MARCHF3: variants seen among roughly 807,000 people sequenced by gnomAD.
The protein encoded by MARCHF3 is E3 ubiquitin-protein ligase MARCHF3.
Under a neutral mutation model 24.2 loss-of-function variants are expected in MARCHF3, and 13 were observed. That is an observed-to-expected ratio of 0.54 (90% CI 0.35 to 0.85). The LOEUF is 0.85. MARCHF3 is among the 40% of genes least tolerant of loss of function. The pLI is 0.01. For missense variants in MARCHF3, 276 were observed against 325.0 expected (o/e 0.85, Z 1.16); for synonymous variants, 144 against 137.3 (o/e 1.05, Z -0.34).
chr5:126,936,294 TATGC>T (rs2126806879), intron 1 of MARCHF3, among the ~76,000 whole-genome samples: 1 of 152,350 alleles, frequency 6.6e-6, no homozygotes, highest in African/African-American at 2.4e-5. Context: ...AACAAGGACT[TATGC>T]ACGATCTGCA....
chr5:126,990,263 C>A (rs1057130757), intron 1 of MARCHF3, among the ~76,000 whole-genome samples: 5 of 152,056 alleles, frequency 3.3e-5, no homozygotes, highest in Admixed American at 3.3e-4. Flanking sequence ...ACCATTTGAT[C>A]TTTGACAAAC....
intron 1 of MARCHF3, among the ~76,000 whole-genome samples, chr5:126,970,804 C>T (rs894649483): frequency 3.9e-5 from 6 of 152,202 alleles, no homozygotes; most frequent in Non-Finnish European, 5.9e-5. Context: ...GCTTCATTTT[C>T]CTACTTCCTG....
chr5:127,002,720 T>C (rs1752168088), intron 1 of MARCHF3, among the ~76,000 whole-genome samples: 1 of 152,212 alleles, frequency 6.6e-6, no homozygotes. Context: ...GGTGAAACAA[T>C]ATCACTGCAG....
At chr5:127,020,465 T>C (rs908010765) in intron 1 of MARCHF3, among the ~76,000 whole-genome samples, 4 of 152,312 alleles carry the variant, frequency 2.6e-5, no homozygotes, top group South Asian at 4.1e-4. Flanking sequence ...CAAAAAGACA[T>C]TGAATCCTAA....
At chr5:127,029,692 C>T (rs1323660121) in intron 1 of MARCHF3, among the ~76,000 whole-genome samples, 1 of 152,218 alleles carries the variant, frequency 6.6e-6, no homozygotes, top group Non-Finnish European at 1.5e-5. Context: ...GGCACCAGAA[C>T]CGACAGCAGC....
intron 1 of MARCHF3, among the ~76,000 whole-genome samples, chr5:126,978,945 A>C (rs527437004): frequency 2.8e-4 from 43 of 152,346 alleles, no homozygotes; most frequent in African/African-American, 1.0e-3. Context: ...ACTCCACTCC[A>C]GATGTCAAGA....
chr5:126,874,772 T>C (rs1489899595), intron 4 of MARCHF3, among the ~76,000 whole-genome samples: 1 of 152,110 alleles, frequency 6.6e-6, no homozygotes. Context: ...AAAAGGAGTA[T>C]AGGAGTGAAT....
chr5:126,911,676 T>C (rs188648703), intron 3 of MARCHF3, among the ~76,000 whole-genome samples: 1 of 152,300 alleles, frequency 6.6e-6, no homozygotes, highest in East Asian at 1.9e-4. Context: ...CAAGAAAATA[T>C]GAATAATGAT....
chr5:126,886,943 C>T (rs1753528134), intron 3 of MARCHF3, among the ~76,000 whole-genome samples: 1 of 152,184 alleles, frequency 6.6e-6, no homozygotes, highest in Admixed American at 6.5e-5. Context: ...CAGAATACAT[C>T]TTGAGTATGT....
At chr5:126,960,533 CT>C (rs1750605368) in intron 1 of MARCHF3, among the ~76,000 whole-genome samples, 1 of 148,614 alleles carries the variant, frequency 6.7e-6, no homozygotes, top group Admixed American at 6.6e-5. Flanking sequence ...TAAAACTTTT[CT>C]TTTTAATTTT....
chr5:126,938,394 C>T (rs768140328), intron 1 of MARCHF3, among the ~76,000 whole-genome samples: 1 of 151,980 alleles, frequency 6.6e-6, no homozygotes, highest in Non-Finnish European at 1.5e-5. Context: ...TCTCAAATTC[C>T]TGGCCTCATG....
chr5:126,974,628 C>T (rs569238760), intron 1 of MARCHF3, among the ~76,000 whole-genome samples: 1 of 152,302 alleles, frequency 6.6e-6, no homozygotes, highest in African/African-American at 2.4e-5. Flanking sequence ...TAGGGCCTTT[C>T]TAGCACTGTT....
At chr5:127,017,323 G>T (rs1752667279) in intron 1 of MARCHF3, among the ~76,000 whole-genome samples, 1 of 152,054 alleles carries the variant, frequency 6.6e-6, no homozygotes, top group Non-Finnish European at 1.5e-5. Context: ...ATTTTTAGAA[G>T]ATATGTCAAA....
chr5:126,968,948 C>G (rs568399436), intron 1 of MARCHF3, among the ~76,000 whole-genome samples: 1 of 152,192 alleles, frequency 6.6e-6, no homozygotes, highest in South Asian at 2.1e-4. Context: ...TTCCTTCCAT[C>G]CTATGGGCTG....
At chr5:127,015,315 T>C (rs764981604) in intron 1 of MARCHF3, among the ~76,000 whole-genome samples, 1 of 152,094 alleles carries the variant, frequency 6.6e-6, no homozygotes, top group African/African-American at 2.4e-5. Context: ...GCTGACACCA[T>C]GTGAAGAGAC....
At chr5:126,941,371 TA>T (rs1174054119) in intron 1 of MARCHF3, among the ~76,000 whole-genome samples, 2 of 152,168 alleles carry the variant, frequency 1.3e-5, no homozygotes, top group Non-Finnish European at 2.9e-5. Flanking sequence ...AGTTCAAGCC[TA>T]TTTTTTAAAA....
At chr5:126,878,989 C>A (rs1753263045) in intron 3 of MARCHF3, among the ~76,000 whole-genome samples, 1 of 152,196 alleles carries the variant, frequency 6.6e-6, no homozygotes, top group African/African-American at 2.4e-5. Flanking sequence ...ATGGTGAACA[C>A]CTATTTTTGC....
At chr5:126,873,233 C>A (rs1001921145) in intron 4 of MARCHF3, among the ~76,000 whole-genome samples, 3 of 152,110 alleles carry the variant, frequency 2.0e-5, no homozygotes, top group Non-Finnish European at 4.4e-5. Flanking sequence ...TTGCTGTCAA[C>A]AAGCTTCAGT....
intron 1 of MARCHF3, among the ~76,000 whole-genome samples, chr5:127,018,901 G>T (rs768407022): frequency 6.6e-6 from 1 of 151,992 alleles, no homozygotes; most frequent in Non-Finnish European, 1.5e-5. Flanking sequence ...ATTTACAAAA[G>T]GGTACTCAAT....
Sources: gnomAD v4.1 joint callset for allele counts (sites outside exome capture counted in the v4.1 genomes callset) on GRCh38, gnomAD v4.1.1 for gene constraint, MANE v1.5 for transcripts, NCBI Gene and HGNC (gene_info 2026-07-23, HGNC 2026-07-21) for gene names.